Variants in MCF2L observed in about 807,000 individuals in gnomAD.
MCF2L encodes guanine nucleotide exchange factor DBS.
Under a neutral mutation model 153.4 loss-of-function variants are expected in MCF2L, and 97 were observed. The observed-to-expected ratio is 0.63, with a 90% CI of 0.54 to 0.75. The LOEUF is 0.75. Ranked by LOEUF, MCF2L falls within the 30% of genes least tolerant of loss-of-function variation. The pLI, the probability that MCF2L is intolerant of heterozygous loss-of-function variation, is 0.00. For missense variants in MCF2L, 1,347 were observed against 1,495.2 expected (o/e 0.90, Z 1.64); for synonymous variants, 659 against 632.2 (o/e 1.04, Z -0.64).
Position 112,993,288 on chromosome 13 carries a change from G to T in MCF2L, c.80-21475G>T, listed in dbSNP as rs949686619. On this transcript the variant is annotated intron_variant, in intron 1 of 29. Coordinates refer to ENST00000535094, the MANE Select transcript of MCF2L (RefSeq NM_001112732.3). The surrounding 1 kb of genome is among the most constrained non-coding windows in gnomAD (Gnocchi z 4.6). Reference sequence around the variant, plus strand: ...GGGGGAGCGCCGGGCACACAACATGGTGGGTGTTCCTGGGCAGAGGCTTGG... The same window carrying T: ...GGGGGAGCGCCGGGCACACAACATGTTGGGTGTTCCTGGGCAGAGGCTTGG... 3.3e-5 allele frequency among the ~76,000 whole-genome samples: 5 copies of T among 152,246 alleles called. No individual in the cohort carries two copies. Among genetic ancestry groups the T allele is most frequent in the Non-Finnish European group, 7.3e-5 (5 of 68,046 alleles).
intron 22 of MCF2L, 71 bp downstream of exon 22, chr13:113,087,527 T>C: frequency 7.4e-7 from 1 of 1,346,928 alleles, no homozygotes; most frequent in Non-Finnish European, 1.0e-6. Context: ...TGTAACTCGG[T>C]CTGAGGTGGC....
At chr13:112,979,531 G>A (rs1344937084) in intron 1 of MCF2L, 32 of 1,498,846 alleles carry the variant, frequency 2.1e-5, no homozygotes, top group Non-Finnish European at 2.7e-5. Context: ...GTGACCATGC[G>A]GCACCCGCCC....
intron 3 of MCF2L, among the ~76,000 whole-genome samples, chr13:113,030,141 T>A (rs1220783141): frequency 6.6e-6 from 1 of 152,164 alleles, no homozygotes; most frequent in Non-Finnish European, 1.5e-5. Flanking sequence ...AAACCAAGTT[T>A]TTGGTCCTTG....
chr13:112,979,327 C>T (rs905845497), intron 1 of MCF2L: 22 of 1,228,094 alleles, frequency 1.8e-5, no homozygotes, highest in Non-Finnish European at 2.1e-5. Context: ...TTGCACACAG[C>T]AGGCAGGCCC....
At chr13:112,912,775 CTG>C (rs140910971) in intron 2 of MCF2L, among the ~76,000 whole-genome samples, 6 of 150,326 alleles carry the variant, frequency 4.0e-5, no homozygotes, top group Non-Finnish European at 2.9e-5. Flanking sequence ...TGTCACATGT[CTG>C]TGTGTGTGTC....
In MCF2L at chr13:113,087,784, G is replaced by A. The variant is rs766695518; in HGVS notation, c.2673G>A (p.Glu891=). Residue 891 remains glutamate (E), a synonymous_variant, in exon 23 of 30, where the codon GAG becomes GAA. Transcript: ENST00000535094. ...AGATCTGGTACAACGCGCGCGAGGA[G>A]GTCTACATCGTCCAGGTGGGCCACC... is the stretch of plus-strand genomic sequence containing the variant. ...KFEIWYNARE[E]VYIVQAPTPE... 5.6e-6 allele frequency: 9 copies of A among 1,613,956 alleles called. No homozygotes were observed. The Admixed American group carries it at 6.7e-5, about 12-fold the overall frequency.
chr13:113,069,766 T>C (rs1038498681), intron 8 of MCF2L, among the ~76,000 whole-genome samples: 4 of 152,142 alleles, frequency 2.6e-5, no homozygotes, highest in Admixed American at 2.0e-4. Context: ...TTTTAAAAAA[T>C]AAAAATGAAC....
At chr13:112,979,336 C>T in intron 1 of MCF2L, 1 of 1,249,278 alleles carries the variant, frequency 8.0e-7, no homozygotes, top group South Asian at 2.0e-5. Flanking sequence ...GCAGGCAGGC[C>T]CAGCGGCTGG....
At chr13:112,980,256 G>T (rs1038665049) in intron 1 of MCF2L, among the ~76,000 whole-genome samples, 3 of 152,252 alleles carry the variant, frequency 2.0e-5, no homozygotes, top group African/African-American at 7.2e-5. Flanking sequence ...ACTCTCACAA[G>T]TCACAGCCAG....
chr13:113,082,336 T>G (rs9549666), intron 16 of MCF2L, 91 bp from the exon 17 acceptor site: 8,371 of 754,850 alleles, frequency 0.011, 66 homozygotes, highest in Non-Finnish European at 0.016. Flanking sequence ...AGGGCTGGCC[T>G]GGCCCACAGA....
At position 113,041,465 on chromosome 13, in the gene MCF2L, C is replaced by T. The variant is rs9577434; in HGVS notation, c.279-3806C>T. On this transcript the variant is annotated intron_variant, in intron 3 of 29. Transcript: ENST00000535094. ...TATGGGGGATCATGTGGCCCTGCCC[C>T]CGTGACCACAGTCAGTATGGGGGAT... Among the ~76,000 whole-genome samples, 650 of 148,386 alleles carry T rather than the reference C, an allele frequency of 4.4e-3. 20 individuals carry two copies. The East Asian group carries it at 0.085, about 19-fold the overall frequency.
chr13:112,912,257 G>A (rs2081240313), intron 2 of MCF2L, among the ~76,000 whole-genome samples: 1 of 152,152 alleles, frequency 6.6e-6, no homozygotes, highest in Admixed American at 6.5e-5. Flanking sequence ...GGTAATGTCT[G>A]GGTGTGAGTG....
intron 3 of MCF2L, among the ~76,000 whole-genome samples, chr13:113,029,707 C>T (rs1211486962): frequency 6.6e-6 from 1 of 152,218 alleles, no homozygotes; most frequent in African/African-American, 2.4e-5. Context: ...GGTCCCGGGA[C>T]ATCCCTGGGA....
chr13:112,985,415 G>T, intron 1 of MCF2L: 1 of 471,104 alleles, frequency 2.1e-6, no homozygotes, highest in South Asian at 1.5e-5. Flanking sequence ...GGATTTCCGT[G>T]GCGGAAATGA....
chr13:113,095,024 AC>A (rs1276699577), intron 27 of MCF2L: 3 of 1,374,092 alleles, frequency 2.2e-6, no homozygotes, highest in Admixed American at 3.8e-5. Context: ...CTCAGAGGAG[AC>A]AGTCCCCACC....
At chr13:113,014,688 G>A in intron 1 of MCF2L, 75 bp from the exon 2 acceptor site, 1 of 1,277,810 alleles carries the variant, frequency 7.8e-7, no homozygotes, top group Non-Finnish European at 1.1e-6. Context: ...CCAGCTCCGT[G>A]TGGGATCGGG....
Position 113,086,227 on chromosome 13 carries a change from T to G in MCF2L, c.2351T>G (p.Leu784Arg). The G allele has an allele frequency of 6.2e-7, 1 of 1,609,592 alleles. No homozygotes were observed. The highest frequency in any genetic ancestry group is 8.5e-7 in the Non-Finnish European group (1 of 1,178,166). The change falls in exon 21 of 30, where the codon CTC becomes CGC. Residue 784 changes from leucine to arginine, a missense_variant. Physicochemically the swap from Leu to Arg is moderately radical, Grantham distance 102 (BLOSUM62 -2). Around this residue, in one of 3 missense-constraint regions of MCF2L, gnomAD observed 144 missense variants for 238.7 expected, o/e 0.60. Coordinates refer to ENST00000535094, the MANE Select transcript of MCF2L (RefSeq NM_001112732.3). ...ILKAVNDSMH[L>R]IAITGYDGNL... ...AAGGCCGTGAACGACTCCATGCACC[T>G]CATCGCTATCACCGGCTATGACGTA...
In MCF2L at chr13:113,051,937, T is replaced by A. The variant is rs200984939; in HGVS notation, c.369+6576T>A. On this transcript the variant is annotated intron_variant, in intron 4 of 29. Transcript: ENST00000535094. ...TCCATTCATGAGGGTGGGGCCGTCC[T>A]GACCCAGTCACCTCTGAAAGGTACT... 3.9e-5 allele frequency among the ~76,000 whole-genome samples: 6 copies of A among 152,162 alleles called. No individual in the cohort carries two copies. In the East Asian group the frequency reaches 1.2e-3, roughly 30 times the overall value.
At chr13:113,075,308 C>A in intron 11 of MCF2L, 119 bp downstream of exon 11, 1 of 842,670 alleles carries the variant, frequency 1.2e-6, no homozygotes, top group Non-Finnish European at 1.7e-6. Context: ...TGGAAAATGT[C>A]CTTGCACCCT....
Sources: gnomAD v4.1 joint callset for allele counts (sites outside exome capture counted in the v4.1 genomes callset) on GRCh38, gnomAD v4.1.1 for gene constraint, gnomAD v4.1.1 regional missense constraint, Gnocchi (gnomAD v3.1) non-coding constraint, MANE v1.5 for transcripts, NCBI Gene and HGNC (gene_info 2026-07-23, HGNC 2026-07-21) for gene names.